Variants in DNAH12 observed in about 807,000 individuals in gnomAD.
DNAH12 encodes dynein axonemal heavy chain 12, also known as axonemal beta dynein heavy chain 12.
In DNAH12, 285 loss-of-function variants were observed where a neutral mutation model predicts 371.5. That is an observed-to-expected ratio of 0.77 (90% CI 0.70 to 0.85). The LOEUF (loss-of-function observed/expected upper bound fraction) is 0.85. Ranked by LOEUF, DNAH12 falls within the 40% of genes least tolerant of loss-of-function variation. The pLI, the probability that DNAH12 is intolerant of heterozygous loss-of-function variation, is 0.00. For synonymous variants in DNAH12, 1,200 were observed against 1,213.0 expected (o/e 0.99, Z 0.22); for missense variants, 3,611 against 3,689.4 (o/e 0.98, Z 0.55).
chr3:57,316,672 G>T (rs2153280267), intron 65 of DNAH12, among the ~76,000 whole-genome samples: 1 of 152,236 alleles, frequency 6.6e-6, no homozygotes, highest in Non-Finnish European at 1.5e-5. Context: ...AGGGAGGGAG[G>T]TGACTCAATC....
intron 25 of DNAH12, among the ~76,000 whole-genome samples, chr3:57,450,572 AT>A (rs1321660709): frequency 1.3e-5 from 2 of 152,200 alleles, no homozygotes; most frequent in Non-Finnish European, 2.9e-5. Flanking sequence ...TATGATTCTG[AT>A]TTTTACAACT....
At chr3:57,339,627 A>G (rs1282832514) in intron 60 of DNAH12, among the ~76,000 whole-genome samples, 5 of 152,154 alleles carry the variant, frequency 3.3e-5, no homozygotes, top group Non-Finnish European at 5.9e-5. Context: ...AACTTTGAAA[A>G]AAAATTGTTT....
At chr3:57,516,879 G>A (rs1297762114) in intron 4 of DNAH12, among the ~76,000 whole-genome samples, 1 of 152,142 alleles carries the variant, frequency 6.6e-6, no homozygotes, top group Non-Finnish European at 1.5e-5. Flanking sequence ...GCCACTCTGA[G>A]TAAAATCCAA....
intron 19 of DNAH12, among the ~76,000 whole-genome samples, chr3:57,461,122 C>T (rs1482611195): frequency 2.0e-5 from 3 of 152,034 alleles, no homozygotes; most frequent in African/African-American, 7.2e-5. Context: ...TAGCTGTTTA[C>T]AACTATAATT....
intron 62 of DNAH12, among the ~76,000 whole-genome samples, chr3:57,330,363 C>A (rs1575461794): frequency 6.6e-6 from 1 of 151,898 alleles, no homozygotes; most frequent in African/African-American, 2.4e-5. Context: ...CACATATACA[C>A]CATAGAATAC....
chr3:57,544,261 TCTCCTCAGGTG>T lies in DNAH12; in HGVS notation c.-109_-99del, dbSNP rs1329348726. 6.6e-6 allele frequency: 1 copy of T among 152,086 alleles called. No homozygotes were observed. The highest frequency in any genetic ancestry group is 1.5e-5 in the Non-Finnish European group (1 of 68,040). 9.4% of individuals were successfully genotyped at this position (152,086 alleles called of 1,614,324 possible). On this transcript the variant is annotated 5_prime_UTR_variant, in exon 1 of 74. Coordinates refer to ENST00000495027, the MANE Select transcript of DNAH12 (RefSeq NM_001366028.2). ...GAGAGAGAGAGAGACAGTCAGAGCC[TCTCCTCAGGTG>T]AAAGGCAGGGGGATAACGAGGGAGA...
At position 57,522,611 on chromosome 3, in the gene DNAH12, T is replaced by C. The variant is rs544565747; in HGVS notation, c.279+972A>G. On this transcript the variant is annotated intron_variant, in intron 4 of 73. Coordinates refer to ENST00000495027, the MANE Select transcript of DNAH12 (RefSeq NM_001366028.2). ...TAAAAAGAGTTTCTTCCAAATATCC[T>C]GAATTCATAGAGGTTGAATTCACAT... Among the ~76,000 whole-genome samples, 8 of 152,298 alleles carry C rather than the reference T, an allele frequency of 5.3e-5. No individual in the cohort carries two copies. In the East Asian group the frequency reaches 1.3e-3, roughly 26 times the overall value.
intron 55 of DNAH12, among the ~76,000 whole-genome samples, chr3:57,374,771 T>C (rs1264057313): frequency 5.8e-5 from 5 of 85,854 alleles, no homozygotes; most frequent in Admixed American, 1.1e-4. Context: ...GAAAAAAATA[T>C]GCCAAAAGAA....
intron 19 of DNAH12, among the ~76,000 whole-genome samples, chr3:57,460,990 T>C (rs772855901): frequency 8.5e-5 from 13 of 152,204 alleles, no homozygotes; most frequent in Non-Finnish European, 1.6e-4. Context: ...CCAATTTATA[T>C]AGTCCCCAGT....
chr3:57,455,324 G>A (rs1427937012), intron 22 of DNAH12, among the ~76,000 whole-genome samples: 1 of 151,862 alleles, frequency 6.6e-6, no homozygotes, highest in African/African-American at 2.4e-5. Flanking sequence ...CAGCACTTTG[G>A]GAGGCCGAGG....
intron 25 of DNAH12, among the ~76,000 whole-genome samples, chr3:57,448,204 C>T (rs796173795): frequency 6.6e-6 from 1 of 152,112 alleles, no homozygotes; most frequent in Non-Finnish European, 1.5e-5. Context: ...CTTAAGGTGG[C>T]GCATCCAGAG....
intron 45 of DNAH12, among the ~76,000 whole-genome samples, chr3:57,391,127 A>ATATT (rs2063613580): frequency 6.6e-6 from 1 of 152,136 alleles, no homozygotes; most frequent in Non-Finnish European, 1.5e-5. Context: ...AGGTTCCCAG[A>ATATT]TATTTGGTCA....
At chr3:57,302,362 C>T (rs996590283) in intron 69 of DNAH12, among the ~76,000 whole-genome samples, 38 of 151,390 alleles carry the variant, frequency 2.5e-4, no homozygotes, top group African/African-American at 9.0e-4. Context: ...TATACACTTG[C>T]AAATACTTTA....
intron 34 of DNAH12, among the ~76,000 whole-genome samples, chr3:57,427,123 AT>A (rs2064796239): frequency 8.3e-6 from 1 of 120,400 alleles, no homozygotes; most frequent in Non-Finnish European, 1.7e-5. Context: ...ATATTTATTT[AT>A]ATGTAAGAAG....
At chr3:57,317,355 T>G (rs1459790841) in intron 65 of DNAH12, among the ~76,000 whole-genome samples, 1 of 152,152 alleles carries the variant, frequency 6.6e-6, no homozygotes, top group African/African-American at 2.4e-5. Flanking sequence ...ATTGAGACAC[T>G]ATTCCCATTA....
chr3:57,387,253 T>G (rs1575531096), intron 45 of DNAH12, 34 bp from the exon 46 acceptor site: 3 of 152,324 alleles, frequency 2.0e-5, no homozygotes, highest in Admixed American at 6.5e-5. Flanking sequence ...ACTTGAAATT[T>G]AAGATGAACA....
At chr3:57,521,717 T>A (rs2153397726) in intron 4 of DNAH12, among the ~76,000 whole-genome samples, 1 of 151,982 alleles carries the variant, frequency 6.6e-6, no homozygotes, top group African/African-American at 2.4e-5. Flanking sequence ...TGAAACCCTG[T>A]CTCTACTAAA....
intron 60 of DNAH12, among the ~76,000 whole-genome samples, chr3:57,336,142 T>A (rs1264976882): frequency 2.6e-5 from 4 of 152,234 alleles, no homozygotes; most frequent in African/African-American, 9.6e-5. Context: ...CCACTGCACC[T>A]AGAATAAGTC....
chr3:57,469,016 T>G (rs1410112196), intron 16 of DNAH12, 37 bp from the exon 17 acceptor site: 1 of 1,498,686 alleles, frequency 6.7e-7, no homozygotes, highest in African/African-American at 1.4e-5. Flanking sequence ...AACTCAGACT[T>G]TTGAAGTTTG....
Sources: allele counts gnomAD v4.1 joint callset (sites outside exome capture counted in the v4.1 genomes callset), GRCh38; gene constraint gnomAD v4.1.1; transcripts MANE v1.5; gene names NCBI Gene and HGNC (gene_info 2026-07-23, HGNC 2026-07-21).